Variants in DLG2 observed in about 807,000 individuals in gnomAD.
DLG2 encodes the protein disks large homolog 2.
A neutral mutation model predicts 132.5 loss-of-function variants in DLG2; 45 were observed. That is an observed-to-expected ratio of 0.34 (90% CI 0.27 to 0.44). The LOEUF (loss-of-function observed/expected upper bound fraction) is 0.44, where lower values mean the gene tolerates loss of function less well. Among genes scored for constraint, DLG2 ranks in the 20% least tolerant of loss-of-function variants. The pLI is 1.00. For missense variants in DLG2, 1,045 were observed against 1,196.9 expected (o/e 0.87, Z 1.87); for synonymous variants, 424 against 419.6 (o/e 1.01, Z -0.13).
intron 21 of DLG2, among the ~76,000 whole-genome samples, chr11:83,506,114 C>G (rs1365890407): frequency 1.3e-5 from 2 of 152,178 alleles, no homozygotes; most frequent in African/African-American, 4.8e-5. Flanking sequence ...TCATGATTGG[C>G]AGTTCAGGTC....
intron 6 of DLG2, among the ~76,000 whole-genome samples, chr11:85,032,054 C>A (rs958011050): frequency 5.9e-5 from 9 of 151,370 alleles, no homozygotes; most frequent in Non-Finnish European, 8.8e-5. Flanking sequence ...CTGCCCACCC[C>A]AGTCTCCCAA....
intron 6 of DLG2, among the ~76,000 whole-genome samples, chr11:84,858,749 T>C (rs2083141023): frequency 6.6e-6 from 1 of 152,048 alleles, no homozygotes; most frequent in Admixed American, 6.6e-5. Context: ...AAAGAAACAA[T>C]TAGTTGTCTT....
intron 18 of DLG2, among the ~76,000 whole-genome samples, chr11:83,682,787 C>T (rs2079050493): frequency 6.6e-6 from 1 of 152,100 alleles, no homozygotes; most frequent in South Asian, 2.1e-4. Flanking sequence ...CACCAGAGAT[C>T]AGAGAGACTA....
chr11:83,455,664 G>A lies in DLG2; in HGVS notation c.*4154C>T, dbSNP rs546942329. On this transcript the variant is annotated 3_prime_UTR_variant, in exon 28 of 28. Coordinates refer to ENST00000376104, the MANE Select transcript of DLG2 (RefSeq NM_001142699.3). Reference sequence around the variant, plus strand: ...AGTGAGGAAGGATATTTACAGACTTGAGTGTGTGTGTGTGTTTCCAACCAC... The same window carrying A: ...AGTGAGGAAGGATATTTACAGACTTAAGTGTGTGTGTGTGTTTCCAACCAC... The A allele has an allele frequency of 2.0e-5, 3 of 152,632 alleles. No homozygotes were observed. Among genetic ancestry groups the A allele is most frequent in the Non-Finnish European group, 4.4e-5 (3 of 68,044 alleles). 9.5% of individuals were successfully genotyped at this position (152,632 alleles called of 1,614,324 possible).
At chr11:85,124,456 T>G (rs2074822107) in intron 5 of DLG2, among the ~76,000 whole-genome samples, 1 of 152,238 alleles carries the variant, frequency 6.6e-6, no homozygotes, top group Admixed American at 6.5e-5. Context: ...TAAACTAATT[T>G]GATTCTGTAC....
intron 7 of DLG2, among the ~76,000 whole-genome samples, chr11:84,390,173 T>A (rs550824865): frequency 3.3e-5 from 5 of 152,170 alleles, no homozygotes; most frequent in Non-Finnish European, 5.9e-5. Context: ...ATTCTCTAAT[T>A]AATCAACACT....
chr11:83,688,417 T>C (rs1228814394), intron 18 of DLG2, among the ~76,000 whole-genome samples: 1 of 152,154 alleles, frequency 6.6e-6, no homozygotes, highest in Non-Finnish European at 1.5e-5. Flanking sequence ...TAAATGCTAG[T>C]TCCCTTCAAA....
intron 6 of DLG2, chr11:84,923,502 T>G: frequency 1.9e-6 from 2 of 1,034,506 alleles, no homozygotes; most frequent in Non-Finnish European, 2.3e-6. Context: ...GAATTGAAAT[T>G]TAACCAATGA....
At chr11:84,976,506 G>T (rs965932300) in intron 6 of DLG2, among the ~76,000 whole-genome samples, 6 of 152,028 alleles carry the variant, frequency 3.9e-5, no homozygotes, top group African/African-American at 1.4e-4. Context: ...GATACATAAT[G>T]CAAGAAATAT....
intron 3 of DLG2, among the ~76,000 whole-genome samples, chr11:85,426,404 G>A (rs572634864): frequency 3.3e-5 from 5 of 151,954 alleles, no homozygotes; most frequent in Admixed American, 6.6e-5. Context: ...CACCTCACAC[G>A]GCTGGGTACT....
At chr11:84,728,322 G>A (rs1264405724) in intron 6 of DLG2, among the ~76,000 whole-genome samples, 2 of 152,046 alleles carry the variant, frequency 1.3e-5, no homozygotes, top group African/African-American at 4.8e-5. Flanking sequence ...TTTGTCAAAG[G>A]TCTTTTCTGC....
chr11:84,185,667 C>T (rs572312061), intron 8 of DLG2, among the ~76,000 whole-genome samples: 15 of 152,272 alleles, frequency 9.9e-5, no homozygotes, highest in South Asian at 4.1e-4. Context: ...GAAGGGAATG[C>T]TTCCAGTTTT....
At chr11:84,794,853 G>A (rs773799453) in intron 6 of DLG2, among the ~76,000 whole-genome samples, 2 of 152,214 alleles carry the variant, frequency 1.3e-5, no homozygotes, top group African/African-American at 2.4e-5. Context: ...AAAGGATGCC[G>A]AGGTGGGGCT....
At chr11:85,581,597 A>T (rs1238480727) in intron 3 of DLG2, among the ~76,000 whole-genome samples, 1 of 152,144 alleles carries the variant, frequency 6.6e-6, no homozygotes, top group African/African-American at 2.4e-5. Context: ...CAGCCTGGTG[A>T]CAGAGTGAGA....
chr11:84,725,830 T>C (rs1370978643), intron 6 of DLG2, among the ~76,000 whole-genome samples: 1 of 152,040 alleles, frequency 6.6e-6, no homozygotes, highest in Non-Finnish European at 1.5e-5. Flanking sequence ...AAAGGCTTTG[T>C]GTCACTTGTC....
intron 19 of DLG2, among the ~76,000 whole-genome samples, chr11:83,621,752 A>T (rs2061666723): frequency 6.6e-6 from 1 of 152,146 alleles, no homozygotes; most frequent in African/African-American, 2.4e-5. Flanking sequence ...TCTTACCTCT[A>T]CTATACTACA....
At chr11:84,928,317 C>T (rs1398954098) in intron 6 of DLG2, among the ~76,000 whole-genome samples, 1 of 151,948 alleles carries the variant, frequency 6.6e-6, no homozygotes, top group Non-Finnish European at 1.5e-5. Flanking sequence ...TTTTCTTGCA[C>T]TTGCCAGCTG....
intron 3 of DLG2, among the ~76,000 whole-genome samples, chr11:85,487,051 A>T (rs1287276044): frequency 6.6e-6 from 1 of 151,918 alleles, no homozygotes; most frequent in African/African-American, 2.4e-5. Context: ...TTAAAAAAAA[A>T]AAAACAGAGA....
At chr11:85,223,953 G>T (rs1302872167) in intron 4 of DLG2, among the ~76,000 whole-genome samples, 1 of 152,024 alleles carries the variant, frequency 6.6e-6, no homozygotes, top group Admixed American at 6.6e-5. Flanking sequence ...GGGACAGACT[G>T]CTTGGGTTCA....
Sources: gnomAD v4.1 joint callset for allele counts (sites outside exome capture counted in the v4.1 genomes callset) on GRCh38, gnomAD v4.1.1 for gene constraint, MANE v1.5 for transcripts, NCBI Gene and HGNC (gene_info 2026-07-23, HGNC 2026-07-21) for gene names.